TMTC2: variants seen among roughly 807,000 people sequenced by gnomAD.
TMTC2 encodes the protein protein O-mannosyl-transferase TMTC2.
Under a neutral mutation model 82.4 loss-of-function variants are expected in TMTC2, and 43 were observed. The observed-to-expected ratio is 0.52, with a 90% CI of 0.41 to 0.67. The LOEUF (loss-of-function observed/expected upper bound fraction) is 0.67. Ranked by LOEUF, TMTC2 falls within the 30% of genes least tolerant of loss-of-function variation. The pLI is 0.00. For missense variants in TMTC2, 919 were observed against 1,012.4 expected (o/e 0.91, Z 1.25); for synonymous variants, 408 against 381.9 (o/e 1.07, Z -0.80).
chr12:82,706,288 G>A lies in TMTC2; in HGVS notation c.83+18619G>A, dbSNP rs372421677. Reference sequence around the variant, plus strand: ...GCCGAGATTGTGCCACTGCACTCCAGCCTGGACAACAGACAACAAAGCAAG... The same window carrying A: ...GCCGAGATTGTGCCACTGCACTCCAACCTGGACAACAGACAACAAAGCAAG... On this transcript the variant is annotated intron_variant, in intron 1 of 11. Coordinates refer to ENST00000321196, the MANE Select transcript of TMTC2 (RefSeq NM_152588.3). Among the ~76,000 whole-genome samples, 21 of 133,688 alleles carry A rather than the reference G, an allele frequency of 1.6e-4. No homozygotes were observed. In the East Asian group the frequency reaches 4.1e-3, roughly 26 times the overall value. The allele number at this position is 133,688 out of a possible 152,430, so 87.7% of individuals were successfully genotyped here. A position where few individuals can be genotyped will look rare whatever the true frequency, so the allele number is the denominator to read the frequency against.
chr12:82,949,908 T>C (rs1877254158), intron 4 of TMTC2, among the ~76,000 whole-genome samples: 1 of 152,164 alleles, frequency 6.6e-6, no homozygotes, highest in Non-Finnish European at 1.5e-5. Context: ...CATTTCTTGG[T>C]AAAATAGAGG....
chr12:82,966,886 T>G (rs1317235408), intron 6 of TMTC2, 33 bp from the exon 7 acceptor site: 4 of 1,481,404 alleles, frequency 2.7e-6, no homozygotes, highest in East Asian at 2.3e-5. Context: ...ACTTTATTGA[T>G]GATTTATCTA....
chr12:82,727,821 T>C (rs947086876), intron 1 of TMTC2, among the ~76,000 whole-genome samples: 3 of 147,944 alleles, frequency 2.0e-5, no homozygotes, highest in Non-Finnish European at 4.4e-5. Context: ...GTATTACCAA[T>C]TGAAGGATAG....
At chr12:82,915,602 C>T (rs1056256809) in intron 3 of TMTC2, among the ~76,000 whole-genome samples, 3 of 152,030 alleles carry the variant, frequency 2.0e-5, no homozygotes, top group East Asian at 1.9e-4. Context: ...GTGGTTTGGG[C>T]GATAAAATTA....
chr12:82,997,867 G>A (rs1190244805), intron 8 of TMTC2, among the ~76,000 whole-genome samples: 1 of 151,762 alleles, frequency 6.6e-6, no homozygotes, highest in Middle Eastern at 3.4e-3. Flanking sequence ...TCCATTAAAG[G>A]CTCTGAAAGT....
chr12:82,885,070 T>C (rs1389875810), intron 2 of TMTC2, among the ~76,000 whole-genome samples: 8 of 106,228 alleles, frequency 7.5e-5, no homozygotes, highest in African/African-American at 3.5e-4. Flanking sequence ...ATTTTTGTAC[T>C]TTTTTTTTTT....
intron 1 of TMTC2, among the ~76,000 whole-genome samples, chr12:82,775,193 G>A (rs1304812989): frequency 1.3e-5 from 2 of 152,108 alleles, no homozygotes; most frequent in South Asian, 2.1e-4. Context: ...ACTCACACCT[G>A]TAATCCCTGC....
chr12:82,893,257 G>A (rs1168584302), intron 2 of TMTC2, among the ~76,000 whole-genome samples: 1 of 151,772 alleles, frequency 6.6e-6, no homozygotes, highest in Non-Finnish European at 1.5e-5. Flanking sequence ...TGTAGTCCCA[G>A]CTACTTGCAA....
intron 2 of TMTC2, among the ~76,000 whole-genome samples, chr12:82,892,595 C>A (rs573317628): frequency 2.6e-5 from 4 of 152,286 alleles, no homozygotes; most frequent in African/African-American, 9.6e-5. Flanking sequence ...AGTTTAATGA[C>A]TAGCAAAGAA....
intron 9 of TMTC2, among the ~76,000 whole-genome samples, chr12:83,033,373 G>T (rs951063848): frequency 6.6e-6 from 1 of 152,184 alleles, no homozygotes; most frequent in South Asian, 2.1e-4. Flanking sequence ...TAAGATTGAA[G>T]CCTAGAGAAA....
At position 82,987,968 on chromosome 12, in the gene TMTC2, G is replaced by A. The variant is rs562171701; in HGVS notation, c.2070+1922G>A. Among the ~76,000 whole-genome samples the A allele has an allele frequency of 1.5e-4, 23 of 152,238 alleles. No homozygotes were observed. In the Middle Eastern group the frequency reaches 0.01, roughly 68 times the overall value. ...ACCTACATGACCCTGGAATTCCGAA[G>A]CCAATAAATTAAATAAAATTTAGTC... On this transcript the variant is annotated intron_variant, in intron 8 of 11. Transcript: ENST00000321196.
chr12:82,728,369 G>A (rs891188681), intron 1 of TMTC2, among the ~76,000 whole-genome samples: 3 of 151,168 alleles, frequency 2.0e-5, no homozygotes, highest in Non-Finnish European at 4.4e-5. Flanking sequence ...TTTTGTTTTT[G>A]TTTAATTGAT....
intron 1 of TMTC2, among the ~76,000 whole-genome samples, chr12:82,693,089 AT>A (rs1481778448): frequency 6.6e-6 from 1 of 152,144 alleles, no homozygotes; most frequent in African/African-American, 2.4e-5. Context: ...CCCACAAAAC[AT>A]TGTGCATTCT....
chr12:83,069,637 G>A (rs1401319528), intron 11 of TMTC2, among the ~76,000 whole-genome samples: 2 of 152,156 alleles, frequency 1.3e-5, no homozygotes, highest in East Asian at 3.9e-4. Flanking sequence ...CTCCCACTCT[G>A]TGGATCATCT....
chr12:82,797,212 C>A (rs1382944877), intron 1 of TMTC2, among the ~76,000 whole-genome samples: 1 of 152,086 alleles, frequency 6.6e-6, no homozygotes, highest in African/African-American at 2.4e-5. Context: ...TTTATTTATA[C>A]CACTGGAAAA....
intron 1 of TMTC2, among the ~76,000 whole-genome samples, chr12:82,744,285 G>A (rs891216205): frequency 6.6e-6 from 1 of 152,150 alleles, no homozygotes; most frequent in Non-Finnish European, 1.5e-5. Context: ...TTAGCTGGGC[G>A]TAGTGGCACA....
At chr12:82,827,873 T>C (rs1319002495) in intron 1 of TMTC2, among the ~76,000 whole-genome samples, 1 of 151,466 alleles carries the variant, frequency 6.6e-6, no homozygotes, top group Non-Finnish European at 1.5e-5. Flanking sequence ...TATTTTTTTT[T>C]CTTTTTCTTT....
At chr12:83,084,976 T>A (rs192419259) in intron 11 of TMTC2, among the ~76,000 whole-genome samples, 1 of 152,364 alleles carries the variant, frequency 6.6e-6, no homozygotes, top group East Asian at 1.9e-4. Flanking sequence ...ACTTGTGCTG[T>A]CAGTGCAGCT....
intron 6 of TMTC2, among the ~76,000 whole-genome samples, chr12:82,966,683 C>T (rs1878226766): frequency 6.6e-6 from 1 of 152,026 alleles, no homozygotes; most frequent in African/African-American, 2.4e-5. Flanking sequence ...AAGAGCATTG[C>T]CAACATTCGA....
Sources: gnomAD v4.1 joint callset for allele counts (sites outside exome capture counted in the v4.1 genomes callset) on GRCh38, gnomAD v4.1.1 for gene constraint, MANE v1.5 for transcripts, NCBI Gene and HGNC (gene_info 2026-07-23, HGNC 2026-07-21) for gene names.